ANKRD17: variants seen among roughly 807,000 people sequenced by gnomAD.
ANKRD17 encodes the protein ankyrin repeat domain-containing protein 17.
Under a neutral mutation model 229.7 loss-of-function variants are expected in ANKRD17, and 19 were observed. That is an observed-to-expected ratio of 0.08 (90% CI 0.06 to 0.12). ANKRD17 has a LOEUF of 0.12. Ranked by LOEUF, ANKRD17 falls within the 10% of genes least tolerant of loss-of-function variation. The pLI is 1.00. For synonymous variants in ANKRD17, 1,112 were observed against 1,146.1 expected (o/e 0.97, Z 0.60); for missense variants, 2,176 against 3,176.8 (o/e 0.68, Z 7.57).
intron 25 of ANKRD17, among the ~76,000 whole-genome samples, chr4:73,099,296 C>T (rs1322764319): frequency 6.6e-6 from 1 of 152,044 alleles, no homozygotes; most frequent in Non-Finnish European, 1.5e-5. Context: ...TGCACCCTCA[C>T]CACCACACTA....
At chr4:73,155,583 C>G in intron 5 of ANKRD17, 48 bp downstream of exon 5, 1 of 1,597,224 alleles carries the variant, frequency 6.3e-7, no homozygotes, top group Middle Eastern at 1.7e-4. Flanking sequence ...ATCATTATTA[C>G]CAAATGATGT....
At chr4:73,118,958 C>A in intron 21 of ANKRD17, 108 bp from the exon 22 acceptor site, 1 of 1,155,926 alleles carries the variant, frequency 8.7e-7, no homozygotes, top group Non-Finnish European at 1.2e-6. Flanking sequence ...GAGATCATGG[C>A]TCACTGCAGC....
rs192393677 is a variant in ANKRD17, at chr4:73,111,679, T to A, written c.4401+2113A>T. Among the ~76,000 whole-genome samples the A allele has an allele frequency of 2.0e-5, 3 of 152,352 alleles. No homozygotes were observed. In the East Asian group the frequency reaches 5.8e-4, roughly 29 times the overall value. Reference sequence around the variant, plus strand: ...CAAAAAACTGGAAACAAACTTATTATGGACTATTCTGCAGTTATTTAAAAT... The same window carrying A: ...CAAAAAACTGGAAACAAACTTATTAAGGACTATTCTGCAGTTATTTAAAAT... On this transcript the variant is annotated intron_variant, in intron 24 of 33. Coordinates refer to ENST00000358602, the MANE Select transcript of ANKRD17 (RefSeq NM_032217.5).
Position 73,120,248 on chromosome 4 carries a change from G to A in ANKRD17, c.3939C>T (p.Ala1313=). ...TATCTCTTGAGGAGGGAACTGGAGGGGCATTAACATCAGCACCTTTATCCA... is the reference window on the plus strand; with the variant it reads ...TATCTCTTGAGGAGGGAACTGGAGGAGCATTAACATCAGCACCTTTATCCA... ...VLLDKGADVN[A]PPVPSSRDTA... Residue 1313 remains alanine (A), a synonymous_variant, in exon 21 of 34, where the codon GCC becomes GCT. Coordinates refer to ENST00000358602, the MANE Select transcript of ANKRD17 (RefSeq NM_032217.5). The A allele has an allele frequency of 6.2e-7, 1 of 1,613,924 alleles. No individual in the cohort carries two copies. Among genetic ancestry groups the A allele is most frequent in the Non-Finnish European group, 8.5e-7 (1 of 1,179,958 alleles).
chr4:73,255,388 T>C (rs1745368397), intron 1 of ANKRD17, among the ~76,000 whole-genome samples: 2 of 152,222 alleles, frequency 1.3e-5, no homozygotes. Flanking sequence ...AACCATAACC[T>C]TTCACATTCC....
At chr4:73,078,923 G>A (rs1480253283) in intron 30 of ANKRD17, 33 bp from the exon 31 acceptor site, 1 of 1,587,218 alleles carries the variant, frequency 6.3e-7, no homozygotes, top group East Asian at 2.2e-5. Flanking sequence ...TAAAATACAG[G>A]TCATCTATAG....
rs183233197 is a variant in ANKRD17 at position 73,186,738 on chromosome 4, A to C, written c.394-9205T>G. Among the ~76,000 whole-genome samples the C allele has an allele frequency of 3.8e-3, 586 of 152,332 alleles. 3 individuals are homozygous for C. The highest frequency in any genetic ancestry group is 0.013 in the African/African-American group (542 of 41,578). ...GGACAAATTATGAATATTTCAAATAAGACAAAGTTCTATGGAATTCTCAAA... is the reference window on the plus strand; with the variant it reads ...GGACAAATTATGAATATTTCAAATACGACAAAGTTCTATGGAATTCTCAAA... On this transcript the variant is annotated intron_variant, in intron 1 of 33. Coordinates refer to ENST00000358602, the MANE Select transcript of ANKRD17 (RefSeq NM_032217.5).
rs1438565312 is a variant in ANKRD17, at chr4:73,188,127, A to G, written c.394-10594T>C. On this transcript the variant is annotated intron_variant, in intron 1 of 33. Transcript: ENST00000358602. ...ATACAAGGGCACATTCTTGGTCCAT[A>G]AAGTTGAAAGAAACTAAAACTTAGC... 2.6e-5 allele frequency among the ~76,000 whole-genome samples: 4 copies of G among 152,170 alleles called. No individual in the cohort carries two copies. The East Asian group carries it at 5.8e-4, about 22-fold the overall frequency.
chr4:73,115,684 C>T (rs578256215), intron 23 of ANKRD17, 137 bp downstream of exon 23: 6 of 582,100 alleles, frequency 1.0e-5, no homozygotes, highest in East Asian at 8.0e-5. Flanking sequence ...TCTCTTAAAT[C>T]GCATACTTCA....
At position 73,073,423 on chromosome 4, in the gene ANKRD17, A is replaced by T. The variant is rs1490726800; in HGVS notation, c.*2808T>A. ...AAACTAGAGGATCTGAAGAGATTTT[A>T]TAACTTTGAGTTTTCCTGTTTAGTC... On this transcript the variant is annotated 3_prime_UTR_variant, in exon 34 of 34. Transcript: ENST00000358602. 6.6e-6 allele frequency: 1 copy of T among 152,226 alleles called. No homozygotes were observed. The highest frequency in any genetic ancestry group is 1.9e-4 in the East Asian group (1 of 5,186). 9.4% of individuals were successfully genotyped at this position (152,226 alleles called of 1,614,324 possible).
chr4:73,116,860 A>G (rs146733421), intron 22 of ANKRD17, among the ~76,000 whole-genome samples: 1 of 152,006 alleles, frequency 6.6e-6, no homozygotes, highest in African/African-American at 2.4e-5. Context: ...AACATATACT[A>G]TGTTGCACCC....
Position 73,121,693 on chromosome 4 carries a change from G to A in ANKRD17, c.3559C>T (p.Leu1187=). Residue 1187 remains leucine, a synonymous_variant, in exon 19 of 34, where the codon CTA becomes TTA. Coordinates refer to ENST00000358602, the MANE Select transcript of ANKRD17 (RefSeq NM_032217.5). ...EHRNVSDYTP[L]SLAASGGYVN... ...TAGCCACCAGAAGCAGCCAGACTTA[G>A]AGGTGTGTAATCAGAAACATTCCTG... 6.2e-7 allele frequency: 1 copy of A among 1,613,754 alleles called. No individual in the cohort carries two copies. Among genetic ancestry groups the A allele is most frequent in the Non-Finnish European group, 8.5e-7 (1 of 1,179,806 alleles).
intron 2 of ANKRD17, among the ~76,000 whole-genome samples, chr4:73,162,077 G>A (rs924115700): frequency 3.3e-5 from 5 of 150,096 alleles, no homozygotes; most frequent in Non-Finnish European, 5.9e-5. Flanking sequence ...TTTTTAGACA[G>A]GGTCTTGCTC....
At chr4:73,253,116 G>GCTAT (rs1285436267) in intron 1 of ANKRD17, among the ~76,000 whole-genome samples, 9 of 152,164 alleles carry the variant, frequency 5.9e-5, no homozygotes, top group Non-Finnish European at 8.8e-5. Flanking sequence ...ACATTTATTA[G>GCTAT]CTATGTGACC....
intron 2 of ANKRD17, among the ~76,000 whole-genome samples, chr4:73,168,572 G>A (rs1220623579): frequency 6.6e-6 from 1 of 152,062 alleles, no homozygotes; most frequent in Non-Finnish European, 1.5e-5. Context: ...CAAACAAGTG[G>A]GGAAAATTAT....
Position 73,156,110 on chromosome 4 carries a change from A to T in ANKRD17, c.761T>A (p.Leu254His), listed in dbSNP as rs1731624226. 6.2e-7 allele frequency: 1 copy of T among 1,613,190 alleles called. No individual in the cohort carries two copies. The highest frequency in any genetic ancestry group is 8.5e-7 in the Non-Finnish European group (1 of 1,179,852). ...EGDVNAVRKLLIEGRSVNEHT... is the reference protein window; with the variant it reads ...EGDVNAVRKLHIEGRSVNEHT... ...TTCATTTACACTTCGCCCTTCAATGAGTAACTTTCGCACAGCATTTACATC... is the reference window on the plus strand; with the variant it reads ...TTCATTTACACTTCGCCCTTCAATGTGTAACTTTCGCACAGCATTTACATC... The change falls in exon 4 of 34, where the codon CTC becomes CAC. Residue 254 changes from leucine (L) to histidine (H), a missense_variant. Transcript: ENST00000358602.
chr4:73,090,913 T>G lies in ANKRD17; in HGVS notation c.6715A>C (p.Lys2239Gln), dbSNP rs747749876. 6.2e-7 allele frequency: 1 copy of G among 1,614,164 alleles called. No individual in the cohort carries two copies. The highest frequency in any genetic ancestry group is 8.5e-7 in the Non-Finnish European group (1 of 1,180,032). Reference sequence around the variant, plus strand: ...GCACTGAAATTGGGAGCAATAGGCTTATTTGCTGGATGTACTGAATTCTGA... The same window carrying G: ...GCACTGAAATTGGGAGCAATAGGCTGATTTGCTGGATGTACTGAATTCTGA... ...ACQNSVHPAN[K>Q]PIAPNFSAPL... Residue 2239 changes from lysine (K) to glutamine (Q), a missense_variant, in exon 29 of 34, where the codon AAG becomes CAG. Physicochemically the swap from Lys to Gln is moderately conservative, Grantham distance 53 (BLOSUM62 1). This residue lies in a region of ANKRD17 where 424 missense variants were observed against 454.0 expected (regional missense o/e 0.93). Coordinates refer to ENST00000358602, the MANE Select transcript of ANKRD17 (RefSeq NM_032217.5).
At chr4:73,184,464 G>A (rs1736003050) in intron 1 of ANKRD17, among the ~76,000 whole-genome samples, 1 of 149,230 alleles carries the variant, frequency 6.7e-6, no homozygotes, top group East Asian at 2.0e-4. Flanking sequence ...GGGAGGCAGA[G>A]GTTGCTGTGA....
At chr4:73,141,883 C>T (rs1466055677) in intron 13 of ANKRD17, 40 bp from the exon 14 acceptor site, 6 of 1,472,780 alleles carry the variant, frequency 4.1e-6, no homozygotes, top group Non-Finnish European at 4.7e-6. Flanking sequence ...GTGTCCTACA[C>T]AATCCATTAA....
Sources: gnomAD v4.1 joint callset for allele counts (sites outside exome capture counted in the v4.1 genomes callset) on GRCh38, gnomAD v4.1.1 for gene constraint, gnomAD v4.1.1 regional missense constraint, MANE v1.5 for transcripts, NCBI Gene and HGNC (gene_info 2026-07-23, HGNC 2026-07-21) for gene names.